SLC39A9: variants seen among roughly 807,000 people sequenced by gnomAD.
SLC39A9 encodes solute carrier family 39 member 9.
Under a neutral mutation model 28.4 loss-of-function variants are expected in SLC39A9, and 14 were observed. The ratio of observed to expected loss-of-function variants is 0.49; its 90% CI spans 0.33 to 0.77. The LOEUF (loss-of-function observed/expected upper bound fraction) is 0.77, where lower values mean the gene tolerates loss of function less well. Among genes scored for constraint, SLC39A9 ranks in the 30% least tolerant of loss-of-function variants. The probability of loss-of-function intolerance (pLI) is 0.02; values close to 1 mark genes in which losing one functional copy is unlikely to be tolerated. For missense variants in SLC39A9, 283 were observed against 381.1 expected, an observed-to-expected ratio of 0.74 and a Z score of 2.14; for synonymous variants, 119 against 149.6, an observed-to-expected ratio of 0.80 and a Z score of 1.49.
At chr14:69,445,557 A>G (rs1885255286) in intron 3 of SLC39A9, among the ~76,000 whole-genome samples, 1 of 151,396 alleles carries the variant, frequency 6.6e-6, no homozygotes, top group Admixed American at 6.6e-5. Context: ...GTTTTTGGGG[A>G]GTGAAAAGTT....
chr14:69,414,077 G>A (rs887606159), intron 1 of SLC39A9, among the ~76,000 whole-genome samples: 5 of 146,490 alleles, frequency 3.4e-5, no homozygotes, highest in East Asian at 2.0e-4. Flanking sequence ...TTGAGAGAGG[G>A]TATCGCTCTG....
In SLC39A9 at chr14:69,459,758, C is replaced by T. The variant is rs1338857710; in HGVS notation, c.*1165C>T. 2.9e-5 allele frequency: 29 copies of T among 985,170 alleles called. No individual in the cohort carries two copies. The highest frequency in any genetic ancestry group is 1.8e-4 in the Admixed American group (3 of 16,244). The allele number at this position is 985,170 out of a possible 1,614,324, so 61.0% of individuals were successfully genotyped here. A position where few individuals can be genotyped will look rare whatever the true frequency, so the allele number is the denominator to read the frequency against. Reference sequence around the variant, plus strand: ...TCTTCGTCTTTTCTTTGCTTTTCTTCTAACTTTTCCCTCTAGCCTCTCCTC... The same window carrying T: ...TCTTCGTCTTTTCTTTGCTTTTCTTTTAACTTTTCCCTCTAGCCTCTCCTC... On this transcript the variant is annotated 3_prime_UTR_variant, in exon 7 of 7. Coordinates refer to ENST00000336643, the MANE Select transcript of SLC39A9 (RefSeq NM_018375.5).
intron 1 of SLC39A9, among the ~76,000 whole-genome samples, chr14:69,407,441 G>T (rs950119598): frequency 1.3e-5 from 2 of 151,350 alleles, no homozygotes; most frequent in Admixed American, 1.3e-4. Context: ...AGGTTCAAGT[G>T]ATTCTCCTGC....
At chr14:69,456,028 C>G (rs1199082948) in intron 6 of SLC39A9, among the ~76,000 whole-genome samples, 162 bp downstream of exon 6, 7 of 152,204 alleles carry the variant, frequency 4.6e-5, no homozygotes, top group Non-Finnish European at 1.0e-4. Context: ...AATGCGTCCT[C>G]TTCATATTAG....
chr14:69,411,127 G>A (rs1883237956), intron 1 of SLC39A9, among the ~76,000 whole-genome samples: 2 of 149,044 alleles, frequency 1.3e-5, no homozygotes, highest in African/African-American at 5.0e-5. Flanking sequence ...CAGGAGAATC[G>A]CTTGAACCTG....
intron 2 of SLC39A9, among the ~76,000 whole-genome samples, chr14:69,440,650 G>C (rs570381662): frequency 6.6e-6 from 1 of 152,024 alleles, no homozygotes; most frequent in Non-Finnish European, 1.5e-5. Flanking sequence ...TTGTAAGGTT[G>C]GATATTATTT....
In SLC39A9 at chr14:69,459,421, A is replaced by G. The variant is rs1257969849; in HGVS notation, c.*828A>G. ...TAGTTTCAGTTCTAGGCTTTCCTTC[A>G]AGAACAGTCAGATCACAAAGTGTCT... On this transcript the variant is annotated 3_prime_UTR_variant, in exon 7 of 7. Transcript: ENST00000336643. 9.1e-6 allele frequency: 9 copies of G among 985,346 alleles called. No homozygotes were observed. The highest frequency in any genetic ancestry group is 2.4e-6 in the Non-Finnish European group (2 of 829,934). 61.0% of individuals were successfully genotyped at this position (985,346 alleles called of 1,614,324 possible). A position where few individuals can be genotyped will look rare whatever the true frequency, so the allele number is the denominator to read the frequency against.
At chr14:69,454,621 A>C (rs1885774376) in intron 4 of SLC39A9, 191 bp from the exon 5 acceptor site, 1 of 463,260 alleles carries the variant, frequency 2.2e-6, no homozygotes. Context: ...TATCTCATTT[A>C]ATCCTCATGA....
chr14:69,459,582 T>G lies in SLC39A9; in HGVS notation c.*989T>G, dbSNP rs571461082. The G allele has an allele frequency of 1.0e-6, 1 of 976,100 alleles. No individual in the cohort carries two copies. The highest frequency in any genetic ancestry group is 1.2e-6 in the Non-Finnish European group (1 of 821,740). 60.5% of individuals were successfully genotyped at this position (976,100 alleles called of 1,614,324 possible). ...TTTTTTTTTTTTTTAATTATTTCTCTTAGCAGATCAGCAATCCCTCTAGGG... is the reference window on the plus strand; with the variant it reads ...TTTTTTTTTTTTTTAATTATTTCTCGTAGCAGATCAGCAATCCCTCTAGGG... On this transcript the variant is annotated 3_prime_UTR_variant, in exon 7 of 7. Transcript: ENST00000336643.
intron 2 of SLC39A9, chr14:69,429,169 C>T (rs1214948925): frequency 1.3e-5 from 2 of 152,168 alleles, no homozygotes; most frequent in African/African-American, 4.8e-5. Flanking sequence ...TTCCAGGACC[C>T]TCAGTTATTT....
intron 1 of SLC39A9, among the ~76,000 whole-genome samples, chr14:69,421,748 T>A (rs886127099): frequency 6.6e-6 from 1 of 152,170 alleles, no homozygotes; most frequent in Non-Finnish European, 1.5e-5. Context: ...CTCCTTGAAG[T>A]TGGATCTTGG....
rs759854052 is a variant in SLC39A9 at position 69,458,950 on chromosome 14, G to C, written c.*357G>C. 3.5e-5 allele frequency: 36 copies of C among 1,015,190 alleles called. No individual in the cohort carries two copies. The highest frequency in any genetic ancestry group is 4.2e-5 in the Non-Finnish European group (36 of 848,144). 62.9% of individuals were successfully genotyped at this position (1,015,190 alleles called of 1,614,324 possible). ...GAAATAGTGATTATGAAAATACAGT[G>C]TTCTGTAATTAAGCTATGTCTCTTT... On this transcript the variant is annotated 3_prime_UTR_variant, in exon 7 of 7. Coordinates refer to ENST00000336643, the MANE Select transcript of SLC39A9 (RefSeq NM_018375.5).
At chr14:69,453,408 C>A in intron 4 of SLC39A9, 99 bp downstream of exon 4, 2 of 1,136,704 alleles carry the variant, frequency 1.8e-6, no homozygotes, top group Non-Finnish European at 1.3e-6. Context: ...TGCTCTTGGA[C>A]TGGCCTTTGA....
chr14:69,407,538 A>G (rs1883005456), intron 1 of SLC39A9, among the ~76,000 whole-genome samples: 1 of 151,462 alleles, frequency 6.6e-6, no homozygotes, highest in Admixed American at 6.6e-5. Flanking sequence ...GGGTTTCTCC[A>G]TGTTGGTCTC....
At chr14:69,412,832 C>T (rs1244732228) in intron 1 of SLC39A9, among the ~76,000 whole-genome samples, 1 of 152,162 alleles carries the variant, frequency 6.6e-6, no homozygotes, top group African/African-American at 2.4e-5. Flanking sequence ...TAAATAAATG[C>T]ACTTAATTTC....
intron 2 of SLC39A9, among the ~76,000 whole-genome samples, chr14:69,427,312 T>G (rs1162590948): frequency 6.6e-6 from 1 of 152,092 alleles, no homozygotes. Flanking sequence ...CCAGAGTAAT[T>G]TTGTGGTGTC....
intron 2 of SLC39A9, among the ~76,000 whole-genome samples, chr14:69,430,655 G>T (rs1884444129): frequency 7.2e-6 from 1 of 138,846 alleles, no homozygotes; most frequent in Non-Finnish European, 1.5e-5. Context: ...TTGAGACAAG[G>T]TCTCACTCTG....
chr14:69,439,681 G>A (rs140735528), intron 2 of SLC39A9, among the ~76,000 whole-genome samples: 1 of 152,122 alleles, frequency 6.6e-6, no homozygotes, highest in Non-Finnish European at 1.5e-5. Context: ...GGGTGGATCC[G>A]TCATGCACAT....
intron 3 of SLC39A9, among the ~76,000 whole-genome samples, chr14:69,443,925 C>G (rs569369697): frequency 1.3e-5 from 2 of 151,876 alleles, no homozygotes; most frequent in East Asian, 3.9e-4. Flanking sequence ...GTGGCTCATG[C>G]CTGTAATCCC....
Sources: gnomAD v4.1 joint callset for allele counts (sites outside exome capture counted in the v4.1 genomes callset) on GRCh38, gnomAD v4.1.1 for gene constraint, MANE v1.5 for transcripts, NCBI Gene and HGNC (gene_info 2026-07-23, HGNC 2026-07-21) for gene names.